The following CCNJL variants were observed in gnomAD, a reference collection of about 807,000 sequenced individuals.
The protein encoded by CCNJL is cyclin J like, also known as cyclin-J-like protein.
In CCNJL, 33 loss-of-function variants were observed where a neutral mutation model predicts 33.4. The observed-to-expected ratio is 0.99, with a 90% CI of 0.75 to 1.32. The LOEUF is 1.32. Ranked by LOEUF, CCNJL falls within the 40% of genes most tolerant of loss-of-function variation. The probability of loss-of-function intolerance (pLI) is 0.00; values close to 1 mark genes in which losing one functional copy is unlikely to be tolerated. For synonymous variants in CCNJL, 227 were observed against 220.9 expected (o/e 1.03, Z -0.24); for missense variants, 512 against 499.7 (o/e 1.02, Z -0.23).
At position 160,280,548 on chromosome 5, in the gene CCNJL, G is replaced by A; in HGVS notation, c.257C>T (p.Ala86Val). ...ACTTGCAAGCAGGAGGCAGGAGACG[G>A]CCACGGTGTAGAGCTGCTTGGAGGT... ...VTTSKQLYTV[A>V]VSCLLLASKF... is the part of the protein sequence containing the mutation. The change falls in exon 3 of 6, where the codon GCC becomes GTC. Residue 86 changes from alanine (A) to valine (V), a missense_variant. Coordinates refer to ENST00000257536, the MANE Select transcript of CCNJL (RefSeq NM_001308173.3). 1.9e-6 allele frequency: 3 copies of A among 1,613,006 alleles called. No homozygotes were observed. Among genetic ancestry groups the A allele is most frequent in the Non-Finnish European group, 2.5e-6 (3 of 1,179,994 alleles).
intron 4 of CCNJL, 130 bp downstream of exon 4, chr5:160,259,339 G>A (rs1761213492): frequency 1.3e-6 from 1 of 745,278 alleles, no homozygotes; most frequent in East Asian, 2.6e-5. Context: ...AAAGTTAAGA[G>A]TGATCTGGGT....
intron 2 of CCNJL, among the ~76,000 whole-genome samples, chr5:160,283,008 T>TATATATATATATATATATATATAC (rs1554120707): frequency 3.8e-5 from 2 of 52,656 alleles, no homozygotes; most frequent in African/African-American, 1.7e-4. Context: ...TATATATATA[T>TATATATATATATATATATATATAC]ACATATATAT....
chr5:160,253,315 C>T lies in CCNJL; in HGVS notation c.*63G>A, dbSNP rs1048547183. 7 of 1,487,536 alleles carry T rather than the reference C, an allele frequency of 4.7e-6. No individual in the cohort carries two copies. Among genetic ancestry groups the T allele is most frequent in the Non-Finnish European group, 6.3e-6 (7 of 1,108,748 alleles). The allele number at this position is 1,487,536 out of a possible 1,614,324, so 92.1% of individuals were successfully genotyped here. ...TGCTGCCTCACTTGGCTGAGCTCTC[C>T]TCTTCAGTGTCCTCTTCCTCTGCCC... On this transcript the variant is annotated 3_prime_UTR_variant, in exon 6 of 6. Coordinates refer to ENST00000257536, the MANE Select transcript of CCNJL (RefSeq NM_001308173.3).
At chr5:160,287,916 G>A (rs142086123) in intron 2 of CCNJL, among the ~76,000 whole-genome samples, 112 of 152,214 alleles carry the variant, frequency 7.4e-4, no homozygotes, top group Non-Finnish European at 1.2e-3. Flanking sequence ...GGTGGGAGGG[G>A]AGGGAAGGGC....
intron 3 of CCNJL, among the ~76,000 whole-genome samples, chr5:160,266,225 C>T (rs1314938113): frequency 6.6e-6 from 1 of 152,266 alleles, no homozygotes; most frequent in Non-Finnish European, 1.5e-5. Flanking sequence ...AAAGAGAAAG[C>T]TCTGGCTGAA....
At chr5:160,327,080 A>T in intron 1 of CCNJL, 1 of 313,620 alleles carries the variant, frequency 3.2e-6, no homozygotes, top group South Asian at 3.0e-5. Flanking sequence ...CCCTTATGTT[A>T]TTACAAGATG....
At chr5:160,328,715 C>CAA (rs535753887) in intron 1 of CCNJL, among the ~76,000 whole-genome samples, 64 of 127,648 alleles carry the variant, frequency 5.0e-4, no homozygotes, top group African/African-American at 1.1e-3. Flanking sequence ...ATTAAAAATA[C>CAA]AAAAAAAAAA....
At chr5:160,329,935 C>A (rs537079104) in intron 1 of CCNJL, among the ~76,000 whole-genome samples, 12 of 152,228 alleles carry the variant, frequency 7.9e-5, no homozygotes, top group Non-Finnish European at 1.8e-4. Flanking sequence ...ATGGAGAGAC[C>A]ACCACCCTCT....
intron 1 of CCNJL, 76 bp from the exon 2 acceptor site, chr5:160,312,048 C>T (rs917009118): frequency 8.4e-5 from 79 of 936,304 alleles, no homozygotes; most frequent in Admixed American, 1.4e-4. Context: ...TCCTCTCTCG[C>T]CCCTGGCCCC....
At chr5:160,310,316 A>T (rs1763221387) in intron 2 of CCNJL, among the ~76,000 whole-genome samples, 1 of 152,210 alleles carries the variant, frequency 6.6e-6, no homozygotes, top group Non-Finnish European at 1.5e-5. Context: ...AATGTGCCAC[A>T]CGTTGGCCAC....
At chr5:160,303,092 G>A (rs937962209) in intron 2 of CCNJL, among the ~76,000 whole-genome samples, 5 of 152,268 alleles carry the variant, frequency 3.3e-5, no homozygotes, top group African/African-American at 9.6e-5. Context: ...ACAATTGATT[G>A]TTTCTAATTT....
chr5:160,339,267 ATATATG>A (rs33971215), intron 1 of CCNJL, among the ~76,000 whole-genome samples: 70,329 of 148,200 alleles, frequency 0.47, 16,913 homozygotes, highest in Middle Eastern at 0.55. Context: ...ATTTATATAT[ATATATG>A]TATGGTATAA....
At chr5:160,325,555 G>A (rs190831890) in intron 1 of CCNJL, among the ~76,000 whole-genome samples, 2 of 152,124 alleles carry the variant, frequency 1.3e-5, no homozygotes, top group African/African-American at 4.8e-5. Context: ...AGTGACTATT[G>A]CCTGTTCCAG....
intron 2 of CCNJL, among the ~76,000 whole-genome samples, chr5:160,287,639 C>G (rs1339709313): frequency 6.6e-6 from 1 of 152,346 alleles, no homozygotes; most frequent in African/African-American, 2.4e-5. Flanking sequence ...ACTTGAAGGC[C>G]GCAGCAGCGC....
rs1255385896 is a variant in CCNJL, at chr5:160,279,568, GCA to G, written c.280+955_280+956del. On this transcript the variant is annotated intron_variant, in intron 3 of 5. Transcript: ENST00000257536. ...TCAAAGCACATGACGCTGAGGGTCTGCATACTTGGGAGACCTCACCTGCTGAG... is the reference window on the plus strand; with the variant it reads ...TCAAAGCACATGACGCTGAGGGTCTGTACTTGGGAGACCTCACCTGCTGAG... Among the ~76,000 whole-genome samples the G allele has an allele frequency of 2.0e-5, 3 of 152,208 alleles. No individual in the cohort carries two copies. The East Asian group carries it at 5.8e-4, about 29-fold the overall frequency.
chr5:160,320,771 C>CT, intron 1 of CCNJL, among the ~76,000 whole-genome samples: 1 of 149,266 alleles, frequency 6.7e-6, no homozygotes, highest in Non-Finnish European at 1.5e-5. Context: ...TCTTTTCTTT[C>CT]TTTCTTTTCT....
chr5:160,277,221 A>G (rs1158723115), intron 3 of CCNJL, among the ~76,000 whole-genome samples: 1 of 152,210 alleles, frequency 6.6e-6, no homozygotes, highest in South Asian at 2.1e-4. Flanking sequence ...TGACAGCACG[A>G]CCGCATAGGC....
At chr5:160,321,897 C>T (rs1294584621) in intron 1 of CCNJL, among the ~76,000 whole-genome samples, 2 of 152,150 alleles carry the variant, frequency 1.3e-5, no homozygotes, top group African/African-American at 2.4e-5. Flanking sequence ...AACAACACCT[C>T]CCCCAACCCT....
At chr5:160,328,819 G>T (rs1368352461) in intron 1 of CCNJL, among the ~76,000 whole-genome samples, 1 of 151,728 alleles carries the variant, frequency 6.6e-6, no homozygotes, top group Non-Finnish European at 1.5e-5. Flanking sequence ...GGCGGAGGTT[G>T]CAGTGAGCCA....
Sources: gnomAD v4.1 joint callset for allele counts (sites outside exome capture counted in the v4.1 genomes callset) on GRCh38, gnomAD v4.1.1 for gene constraint, MANE v1.5 for transcripts, NCBI Gene and HGNC (gene_info 2026-07-23, HGNC 2026-07-21) for gene names.